GPR158: variants seen among roughly 807,000 people sequenced by gnomAD.
GPR158 encodes the protein metabotropic glycine receptor.
A neutral mutation model predicts 78.2 loss-of-function variants in GPR158; 30 were observed. That is an observed-to-expected ratio of 0.38 (90% CI 0.29 to 0.52). GPR158 has a LOEUF of 0.52. GPR158 is among the 20% of genes least tolerant of loss of function. The pLI, the probability that GPR158 is intolerant of heterozygous loss-of-function variation, is 0.83. For missense variants in GPR158, 1,463 were observed against 1,523.5 expected (o/e 0.96, Z 0.66); for synonymous variants, 581 against 591.1 (o/e 0.98, Z 0.25).
chr10:25,365,686 A>G (rs2130540404), intron 2 of GPR158, among the ~76,000 whole-genome samples: 1 of 151,834 alleles, frequency 6.6e-6, no homozygotes, highest in East Asian at 1.9e-4. Flanking sequence ...TGACAGGTGA[A>G]GGAGAAAGGA....
At chr10:25,273,311 T>G (rs1854141134) in intron 2 of GPR158, among the ~76,000 whole-genome samples, 1 of 152,114 alleles carries the variant, frequency 6.6e-6, no homozygotes, top group South Asian at 2.1e-4. Flanking sequence ...TATGCTTACT[T>G]TTACCCAAGG....
intron 5 of GPR158, among the ~76,000 whole-genome samples, chr10:25,507,411 G>T (rs1383240420): frequency 1.3e-5 from 2 of 152,288 alleles, no homozygotes; most frequent in Non-Finnish European, 1.5e-5. Flanking sequence ...AAACAGTTTG[G>T]GGGTAGATAG....
intron 2 of GPR158, among the ~76,000 whole-genome samples, chr10:25,354,720 C>T (rs1855524401): frequency 6.6e-6 from 1 of 152,030 alleles, no homozygotes; most frequent in African/African-American, 2.4e-5. Context: ...GAAGAGCTCC[C>T]TTTAGCATTT....
intron 5 of GPR158, among the ~76,000 whole-genome samples, chr10:25,490,853 A>G (rs918983277): frequency 5.9e-5 from 9 of 152,108 alleles, no homozygotes; most frequent in African/African-American, 1.7e-4. Context: ...TTCTAGATAC[A>G]CATTTTTATA....
chr10:25,547,234 G>A (rs910390749), intron 5 of GPR158, among the ~76,000 whole-genome samples: 2 of 152,118 alleles, frequency 1.3e-5, no homozygotes, highest in African/African-American at 2.4e-5. Context: ...CTTCCGTGCT[G>A]TAGCCGGATG....
chr10:25,245,641 AT>A (rs1853680284), intron 2 of GPR158, among the ~76,000 whole-genome samples: 1 of 152,114 alleles, frequency 6.6e-6, no homozygotes, highest in Non-Finnish European at 1.5e-5. Context: ...AAGTTTAAAA[AT>A]TTTCCTTATT....
intron 2 of GPR158, among the ~76,000 whole-genome samples, chr10:25,334,447 G>A (rs1389650348): frequency 1.3e-5 from 2 of 151,948 alleles, no homozygotes; most frequent in East Asian, 1.9e-4. Context: ...TCCTGTCATT[G>A]CGAAGCTTCA....
intron 4 of GPR158, among the ~76,000 whole-genome samples, chr10:25,416,692 A>G (rs78875323): frequency 0.017 from 2,664 of 152,258 alleles, 69 homozygotes; most frequent in African/African-American, 0.052. Context: ...AGCAAGTTGA[A>G]AAACAGTTCA....
intron 7 of GPR158, among the ~76,000 whole-genome samples, chr10:25,575,659 G>C (rs745417156): frequency 2.0e-5 from 3 of 152,030 alleles, no homozygotes; most frequent in Admixed American, 6.6e-5. Context: ...AATCTCAATA[G>C]TGCCCTGGCC....
intron 5 of GPR158, among the ~76,000 whole-genome samples, chr10:25,516,360 A>G (rs1836173453): frequency 6.6e-6 from 1 of 151,400 alleles, no homozygotes; most frequent in African/African-American, 2.4e-5. Flanking sequence ...GCTGTGCAGA[A>G]GCTCTTTAGT....
chr10:25,203,732 A>AT (rs1852969297), intron 1 of GPR158, among the ~76,000 whole-genome samples: 1 of 144,806 alleles, frequency 6.9e-6, no homozygotes, highest in African/African-American at 2.6e-5. Context: ...TGTCTTGGTA[A>AT]TGCAGGCTCT....
intron 2 of GPR158, among the ~76,000 whole-genome samples, chr10:25,275,592 T>C (rs929708307): frequency 3.3e-5 from 5 of 152,172 alleles, no homozygotes; most frequent in Non-Finnish European, 5.9e-5. Flanking sequence ...GTGCTTGATA[T>C]TTATTTATTT....
intron 6 of GPR158, among the ~76,000 whole-genome samples, chr10:25,559,027 A>G (rs1380599649): frequency 6.6e-6 from 1 of 152,070 alleles, no homozygotes; most frequent in East Asian, 1.9e-4. Context: ...TTAGCTCTCT[A>G]TTTGTTCCAT....
chr10:25,590,978 A>T (rs116222031), intron 8 of GPR158, among the ~76,000 whole-genome samples: 2,430 of 152,226 alleles, frequency 0.016, 46 homozygotes, highest in African/African-American at 0.056. Context: ...TTCTTTCAGG[A>T]GTAGGCATGG....
intron 2 of GPR158, among the ~76,000 whole-genome samples, chr10:25,290,843 C>T (rs914178951): frequency 1.3e-5 from 2 of 151,918 alleles, no homozygotes; most frequent in African/African-American, 4.8e-5. Flanking sequence ...AAAACCTAAG[C>T]TTAACCAAAT....
At chr10:25,512,466 TATC>T (rs1836098391) in intron 5 of GPR158, among the ~76,000 whole-genome samples, 1 of 152,144 alleles carries the variant, frequency 6.6e-6, no homozygotes, top group African/African-American at 2.4e-5. Context: ...TATACTGTCA[TATC>T]ATCAGCAAAC....
chr10:25,192,501 A>T (rs1178425831), intron 1 of GPR158, among the ~76,000 whole-genome samples: 1 of 152,184 alleles, frequency 6.6e-6, no homozygotes, highest in Non-Finnish European at 1.5e-5. Flanking sequence ...TTTGAATCCA[A>T]GAATTTCCAC....
chr10:25,588,978 C>T lies in GPR158; in HGVS notation c.1754-29C>T, dbSNP rs758727129. ...GAATTTTATTTCTTCACCTATAAAA[C>T]TCATGAAAATGGTTTGTTATTTTCA... On this transcript the variant is annotated intron_variant, in intron 7 of 10. Coordinates refer to ENST00000376351, the MANE Select transcript of GPR158 (RefSeq NM_020752.3). The T allele has an allele frequency of 3.4e-6, 5 of 1,470,520 alleles. No homozygotes were observed. In the East Asian group the frequency reaches 9.2e-5, roughly 27 times the overall value. The allele number at this position is 1,470,520 out of a possible 1,614,324, so 91.1% of individuals were successfully genotyped here. A position where few individuals can be genotyped will look rare whatever the true frequency, so the allele number is the denominator to read the frequency against.
At chr10:25,179,119 A>G (rs1011030586) in intron 1 of GPR158, among the ~76,000 whole-genome samples, 1 of 152,202 alleles carries the variant, frequency 6.6e-6, no homozygotes, top group Non-Finnish European at 1.5e-5. Context: ...CCCTTTCTGT[A>G]TATCTTCATA....
Sources: allele counts gnomAD v4.1 joint callset (sites outside exome capture counted in the v4.1 genomes callset), GRCh38; gene constraint gnomAD v4.1.1; transcripts MANE v1.5; gene names NCBI Gene and HGNC (gene_info 2026-07-23, HGNC 2026-07-21).